The following BAG2 variants were observed in gnomAD, a reference collection of about 807,000 sequenced individuals.
The protein encoded by BAG2 is BAG family molecular chaperone regulator 2.
Under a neutral mutation model 16.4 loss-of-function variants are expected in BAG2, and 8 were observed. The ratio of observed to expected loss-of-function variants is 0.49; its 90% CI spans 0.29 to 0.88. The LOEUF (loss-of-function observed/expected upper bound fraction) is 0.88, where lower values mean the gene tolerates loss of function less well. Among genes scored for constraint, BAG2 ranks in the 40% least tolerant of loss-of-function variants. The probability of loss-of-function intolerance (pLI) is 0.09; values close to 1 mark genes in which losing one functional copy is unlikely to be tolerated. For missense variants in BAG2, 218 were observed against 248.9 expected, an observed-to-expected ratio of 0.88 and a Z score of 0.84; for synonymous variants, 82 against 89.2, an observed-to-expected ratio of 0.92 and a Z score of 0.46.
intron 2 of BAG2, 83 bp downstream of exon 2, chr6:57,182,224 A>G: frequency 8.1e-7 from 1 of 1,233,004 alleles, no homozygotes; most frequent in East Asian, 2.4e-5. Flanking sequence ...TTTTTGCTTG[A>G]CTTTTGGTAT....
chr6:57,181,766 T>C (rs1764456632), intron 1 of BAG2, among the ~76,000 whole-genome samples: 1 of 151,884 alleles, frequency 6.6e-6, no homozygotes, highest in African/African-American at 2.4e-5. Context: ...GAGATATAAA[T>C]TCAAAATATA....
intron 1 of BAG2, among the ~76,000 whole-genome samples, chr6:57,174,617 CCTT>C (rs1764226983): frequency 6.6e-6 from 1 of 151,966 alleles, no homozygotes; most frequent in African/African-American, 2.4e-5. Flanking sequence ...CTTTTGTAGG[CCTT>C]TTTTCTTCTT....
chr6:57,173,020 C>A, intron 1 of BAG2: 1 of 666,390 alleles, frequency 1.5e-6, no homozygotes, highest in Non-Finnish European at 2.2e-6. Flanking sequence ...AGAGAAAACG[C>A]ATTCGATTTA....
chr6:57,183,537 C>T (rs972918804), intron 2 of BAG2, among the ~76,000 whole-genome samples: 1 of 152,188 alleles, frequency 6.6e-6, no homozygotes, highest in Non-Finnish European at 1.5e-5. Context: ...CAAACTTTTG[C>T]AGACATGCCA....
chr6:57,182,245 G>T, intron 2 of BAG2, 104 bp downstream of exon 2: 1 of 820,244 alleles, frequency 1.2e-6, no homozygotes. Flanking sequence ...GCGTACACCA[G>T]GCCACAGCAT....
At chr6:57,183,420 C>G (rs11754302) in intron 2 of BAG2, among the ~76,000 whole-genome samples, 359 of 152,288 alleles carry the variant, frequency 2.4e-3, no homozygotes, top group African/African-American at 8.2e-3. Flanking sequence ...CTGGAGAGAT[C>G]TGGGACATCT....
In BAG2 at chr6:57,187,426, T is replaced by C; in HGVS notation, c.*3236T>C. ...TAGCTGAAAACCTAAGGAGTGACAA[T>C]AGTACATGTGACATTCTTAACAGTT... On this transcript the variant is annotated 3_prime_UTR_variant, in exon 3 of 3. Transcript: ENST00000370693. The C allele has an allele frequency of 6.6e-6, 1 of 152,122 alleles. No homozygotes were observed. Among genetic ancestry groups the C allele is most frequent in the Non-Finnish European group, 1.5e-5 (1 of 68,024 alleles). 9.4% of individuals were successfully genotyped at this position (152,122 alleles called of 1,614,324 possible).
intron 1 of BAG2, among the ~76,000 whole-genome samples, chr6:57,176,124 A>C (rs1309347759): frequency 6.6e-6 from 1 of 152,196 alleles, no homozygotes; most frequent in African/African-American, 2.4e-5. Flanking sequence ...ACAGTGTGAG[A>C]GTTTTTTCTA....
At position 57,188,571 on chromosome 6, in the gene BAG2, T is replaced by TAAAG. The variant is rs146039378; in HGVS notation, c.*4383_*4386dup. On this transcript the variant is annotated 3_prime_UTR_variant, in exon 3 of 3. Coordinates refer to ENST00000370693, the MANE Select transcript of BAG2 (RefSeq NM_004282.4). ...GCAAAGTATTATTTTGTGCAAAAAT[T>TAAAG]AAAGAGGAGAGTAGAGAGTAGAAAA... 1 of 152,000 alleles carries TAAAG rather than the reference T, an allele frequency of 6.6e-6. No individual in the cohort carries two copies. Among genetic ancestry groups the TAAAG allele is most frequent in the South Asian group, 2.1e-4 (1 of 4,822 alleles). 9.4% of individuals were successfully genotyped at this position (152,000 alleles called of 1,614,324 possible).
At chr6:57,182,645 CTGTCAT>C (rs1764497714) in intron 2 of BAG2, among the ~76,000 whole-genome samples, 1 of 150,530 alleles carries the variant, frequency 6.6e-6, no homozygotes, top group Admixed American at 6.6e-5. Flanking sequence ...TAAAAATGTG[CTGTCAT>C]TTTCTTTTTT....
chr6:57,175,768 A>C (rs1418649313), intron 1 of BAG2, among the ~76,000 whole-genome samples: 2 of 151,918 alleles, frequency 1.3e-5, no homozygotes, highest in Non-Finnish European at 2.9e-5. Flanking sequence ...CCTGTACCTC[A>C]CCCTACACAT....
intron 2 of BAG2, 131 bp from the exon 3 acceptor site, chr6:57,183,647 C>T: frequency 1.4e-6 from 1 of 692,856 alleles, no homozygotes; most frequent in Non-Finnish European, 2.3e-6. Context: ...GTTAATCTTA[C>T]ATGCTATAGT....
intron 1 of BAG2, among the ~76,000 whole-genome samples, chr6:57,176,807 A>G (rs1764297034): frequency 6.6e-6 from 1 of 152,318 alleles, no homozygotes; most frequent in African/African-American, 2.4e-5. Context: ...TTAAAAGAAC[A>G]CTTCATATAT....
At chr6:57,175,692 A>G (rs1321055746) in intron 1 of BAG2, among the ~76,000 whole-genome samples, 1 of 152,222 alleles carries the variant, frequency 6.6e-6, no homozygotes, top group Non-Finnish European at 1.5e-5. Flanking sequence ...CAAAAAGGAC[A>G]GGGTTTGGAG....
chr6:57,174,226 C>T (rs1245639968), intron 1 of BAG2: 14 of 1,157,462 alleles, frequency 1.2e-5, no homozygotes, highest in African/African-American at 1.6e-5. Context: ...AAGTAACACA[C>T]ATCTCTCCAT....
rs1764695706 is a variant in BAG2, at chr6:57,188,426, ACT to A, written c.*4237_*4238del. 2 of 152,228 alleles carry A rather than the reference ACT, an allele frequency of 1.3e-5. No homozygotes were observed. The highest frequency in any genetic ancestry group is 4.1e-4 in the South Asian group (2 of 4,830). 9.4% of individuals were successfully genotyped at this position (152,228 alleles called of 1,614,324 possible). ...GGAACTGTAACTATCCTCAGAGATT[ACT>A]TTTTTTAAATATAGAAAGGTAACAC... is the stretch of plus-strand genomic sequence containing the variant. On this transcript the variant is annotated 3_prime_UTR_variant, in exon 3 of 3. Coordinates refer to ENST00000370693, the MANE Select transcript of BAG2 (RefSeq NM_004282.4).
Position 57,183,759 on chromosome 6 carries a change from A to C in BAG2, c.224-19A>C. 6.5e-7 allele frequency: 1 copy of C among 1,531,702 alleles called. No individual in the cohort carries two copies. The highest frequency in any genetic ancestry group is 8.8e-7 in the Non-Finnish European group (1 of 1,139,820). The allele number at this position is 1,531,702 out of a possible 1,614,324, so 94.9% of individuals were successfully genotyped here. A position where few individuals can be genotyped will look rare whatever the true frequency, so the allele number is the denominator to read the frequency against. On this transcript the variant is annotated intron_variant, in intron 2 of 2. Coordinates refer to ENST00000370693, the MANE Select transcript of BAG2 (RefSeq NM_004282.4). Reference sequence around the variant, plus strand: ...ATGTTTTTGACACAGATAAGTTTACATCTCATATTGATTTTTAGGAGAAAG... The same window carrying C: ...ATGTTTTTGACACAGATAAGTTTACCTCTCATATTGATTTTTAGGAGAAAG...
At chr6:57,177,335 G>A (rs1764310056) in intron 1 of BAG2, among the ~76,000 whole-genome samples, 1 of 152,256 alleles carries the variant, frequency 6.6e-6, no homozygotes, top group South Asian at 2.1e-4. Context: ...AGAATCACTT[G>A]AACCCTGGAG....
chr6:57,188,071 T>C lies in BAG2; in HGVS notation c.*3881T>C, dbSNP rs1764678239. 1 of 152,156 alleles carries C rather than the reference T, an allele frequency of 6.6e-6. No homozygotes were observed. The highest frequency in any genetic ancestry group is 1.5e-5 in the Non-Finnish European group (1 of 68,012). The allele number at this position is 152,156 out of a possible 1,614,324, so 9.4% of individuals were successfully genotyped here. A position where few individuals can be genotyped will look rare whatever the true frequency, so the allele number is the denominator to read the frequency against. ...TGTCTACGCAAAAGATTAGCCGTAA[T>C]GTTAAAAAAGTAGATTAGAGCACAA... On this transcript the variant is annotated 3_prime_UTR_variant, in exon 3 of 3. Coordinates refer to ENST00000370693, the MANE Select transcript of BAG2 (RefSeq NM_004282.4).
Sources: gnomAD v4.1 joint callset for allele counts (sites outside exome capture counted in the v4.1 genomes callset) on GRCh38, gnomAD v4.1.1 for gene constraint, MANE v1.5 for transcripts, NCBI Gene and HGNC (gene_info 2026-07-23, HGNC 2026-07-21) for gene names.